Variants in USP20 observed in about 807,000 individuals in gnomAD.
The protein encoded by USP20 is ubiquitin carboxyl-terminal hydrolase 20.
In USP20, 80 loss-of-function variants were observed where a neutral mutation model predicts 124.2. The ratio of observed to expected loss-of-function variants is 0.64; its 90% CI spans 0.54 to 0.78. USP20 has a LOEUF of 0.78. Among genes scored for constraint, USP20 ranks in the 30% least tolerant of loss-of-function variants. The pLI is 0.00. For synonymous variants in USP20, 481 were observed against 512.3 expected (o/e 0.94, Z 0.83); for missense variants, 1,043 against 1,244.4 (o/e 0.84, Z 2.44).
chr9:129,867,216 C>T (rs562171896), intron 10 of USP20, among the ~76,000 whole-genome samples: 21 of 152,306 alleles, frequency 1.4e-4, no homozygotes, highest in African/African-American at 4.6e-4. Flanking sequence ...GCCACCACCA[C>T]GTTCTGACCT....
chr9:129,838,042 ATTTT>A (rs35724053), intron 1 of USP20, among the ~76,000 whole-genome samples: 1 of 142,520 alleles, frequency 7.0e-6, no homozygotes, highest in African/African-American at 2.6e-5. Flanking sequence ...GTTGACAACA[ATTTT>A]TTTTTTTTTT....
chr9:129,854,236 ATTCTGC>A (rs1332494294), intron 3 of USP20, among the ~76,000 whole-genome samples: 1 of 152,254 alleles, frequency 6.6e-6, no homozygotes, highest in Non-Finnish European at 1.5e-5. Context: ...TAGGGAAACA[ATTCTGC>A]TTCTGGGAAT....
At chr9:129,846,233 A>G (rs1353943179) in intron 1 of USP20, among the ~76,000 whole-genome samples, 8 of 24,226 alleles carry the variant, frequency 3.3e-4, no homozygotes, top group Admixed American at 1.7e-3. Flanking sequence ...CCAGCCATAT[A>G]TATATATATA....
Position 129,869,358 on chromosome 9 carries a change from G to T in USP20, c.1325G>T (p.Arg442Leu). Residue 442 changes from arginine to leucine, a missense_variant, in exon 13 of 26, where the codon CGC (arginine) becomes CTC (leucine). Coordinates refer to ENST00000372429, the MANE Select transcript of USP20 (RefSeq NM_001110303.4). The stretch of plus-strand genomic sequence containing the variant: ...CGGAGGCGGAAGGAGCAGCGCTACC[G>T]CAGCGTCATCTCAGACATCTTTGAC... ...GSRRRKEQRY[R>L]SVISDIFDGS... is the part of the protein sequence containing the mutation. 1 of 1,613,738 alleles carries T rather than the reference G, an allele frequency of 6.2e-7. No homozygotes were observed. The highest frequency in any genetic ancestry group is 1.1e-5 in the South Asian group (1 of 91,088).
intron 19 of USP20, 94 bp downstream of exon 19, chr9:129,875,049 G>T: frequency 4.0e-6 from 6 of 1,502,688 alleles, no homozygotes; most frequent in Non-Finnish European, 5.3e-6. Flanking sequence ...ACAGCGCCTG[G>T]ATTAAGCCAG....
intron 3 of USP20, among the ~76,000 whole-genome samples, 155 bp downstream of exon 3, chr9:129,852,791 C>T (rs1039820566): frequency 1.2e-4 from 18 of 152,104 alleles, no homozygotes; most frequent in South Asian, 6.2e-4. Context: ...CTTGGGAGGC[C>T]GCCTTCCGGA....
Position 129,874,617 on chromosome 9 carries a change from G to A in USP20, c.1782G>A (p.Met594Ile), listed in dbSNP as rs1011108129. The change falls in exon 18 of 26, where the codon ATG becomes ATA. Residue 594 changes from methionine (M) to isoleucine (I), a missense_variant. By Grantham distance (10) the Met-to-Ile change is conservative. Coordinates refer to ENST00000372429, the MANE Select transcript of USP20 (RefSeq NM_001110303.4). Reference sequence around the variant, plus strand: ...TAAAGCGCTTTCGGCACGAGGTGATGTACTCATTCAAGATCAACAGCCACG... The same window carrying A: ...TAAAGCGCTTTCGGCACGAGGTGATATACTCATTCAAGATCAACAGCCACG... ...IHLKRFRHEVMYSFKINSHVS... is the reference protein window; with the variant it reads ...IHLKRFRHEVIYSFKINSHVS... The A allele has an allele frequency of 1.2e-6, 2 of 1,613,704 alleles. No individual in the cohort carries two copies. The highest frequency in any genetic ancestry group is 1.7e-6 in the Non-Finnish European group (2 of 1,180,018).
In USP20 at chr9:129,873,795, C is replaced by T. The variant is rs764352375; in HGVS notation, c.1740+51C>T. 2.5e-6 allele frequency: 4 copies of T among 1,594,250 alleles called. No homozygotes were observed. The African/African-American group carries it at 4.0e-5, about 16-fold the overall frequency. ...CTCCTCAGCTATCTCGGGATGCACACCAGCACACACCAGGCAGGGGCTGAG... is the reference window on the plus strand; with the variant it reads ...CTCCTCAGCTATCTCGGGATGCACATCAGCACACACCAGGCAGGGGCTGAG... On this transcript the variant is annotated intron_variant, in intron 17 of 25. Transcript: ENST00000372429.
chr9:129,872,317 T>C (rs2034167329), intron 15 of USP20, among the ~76,000 whole-genome samples: 1 of 151,950 alleles, frequency 6.6e-6, no homozygotes, highest in Non-Finnish European at 1.5e-5. Flanking sequence ...CACACCTGGC[T>C]AATTTTTGTA....
chr9:129,857,400 C>T (rs1244141314), intron 4 of USP20, among the ~76,000 whole-genome samples: 4 of 152,214 alleles, frequency 2.6e-5, no homozygotes, highest in Admixed American at 2.6e-4. Flanking sequence ...CCCTGCTGAT[C>T]ACAGGTGGCA....
intron 2 of USP20, among the ~76,000 whole-genome samples, chr9:129,851,685 G>A (rs958305470): frequency 1.3e-5 from 2 of 152,190 alleles, no homozygotes; most frequent in East Asian, 1.9e-4. Flanking sequence ...GGAAAGAAAC[G>A]CAGGAGAATG....
At chr9:129,872,868 T>G (rs183171497) in intron 15 of USP20, among the ~76,000 whole-genome samples, 2 of 152,126 alleles carry the variant, frequency 1.3e-5, no homozygotes, top group East Asian at 3.9e-4. Context: ...TTCAAATACA[T>G]TTTCTGTAAT....
intron 8 of USP20, 135 bp from the exon 9 acceptor site, chr9:129,863,051 C>T: frequency 1.9e-6 from 1 of 521,012 alleles, no homozygotes; most frequent in Non-Finnish European, 3.3e-6. Context: ...CTTCTAGTCA[C>T]CTTCAGGAGT....
chr9:129,859,527 G>T (rs995185976), intron 6 of USP20, among the ~76,000 whole-genome samples: 9 of 151,720 alleles, frequency 5.9e-5, no homozygotes, highest in Admixed American at 3.3e-4. Context: ...GCCTGCCTTG[G>T]CCTCCCAAAG....
rs369777624 is a variant in USP20 at position 129,868,911 on chromosome 9, C to A, written c.1185C>A (p.Pro395=). 3.7e-6 allele frequency: 6 copies of A among 1,611,222 alleles called. No homozygotes were observed. Among genetic ancestry groups the A allele is most frequent in the African/African-American group, 1.3e-5 (1 of 74,872 alleles). Residue 395 remains proline, a synonymous_variant, in exon 12 of 26, where the codon CCC becomes CCA. Transcript: ENST00000372429. ...HLRSSSRPCS[P]VHHHEGHAKL... ...GCAGCTCCTCTCGCCCCTGCAGCCC[C>A]GTCCACCACCACGAGGGCCATGCCA...
At chr9:129,840,973 G>A (rs571066948) in intron 1 of USP20, among the ~76,000 whole-genome samples, 4 of 152,150 alleles carry the variant, frequency 2.6e-5, no homozygotes, top group East Asian at 1.9e-4. Context: ...GTTTCACCAC[G>A]TTGGCCAGGT....
chr9:129,876,198 T>C lies in USP20; in HGVS notation c.2369T>C (p.Leu790Pro). Reference protein sequence around the residue: ...CSICQVEIEALAKRRRIEIDT... With the variant: ...CSICQVEIEAPAKRRRIEIDT... ...ATCTGCCAGGTGGAGATCGAGGCACTGGCCAAGCGCAGGAGGATCGAGATC... is the reference window on the plus strand; with the variant it reads ...ATCTGCCAGGTGGAGATCGAGGCACCGGCCAAGCGCAGGAGGATCGAGATC... The change falls in exon 22 of 26, where the codon CTG becomes CCG. Residue 790 changes from leucine to proline, a missense_variant. Coordinates refer to ENST00000372429, the MANE Select transcript of USP20 (RefSeq NM_001110303.4). 1 of 1,613,212 alleles carries C rather than the reference T, an allele frequency of 6.2e-7. No individual in the cohort carries two copies. The highest frequency in any genetic ancestry group is 8.5e-7 in the Non-Finnish European group (1 of 1,179,944).
At chr9:129,848,909 A>G (rs1006924526) in intron 1 of USP20, among the ~76,000 whole-genome samples, 1 of 152,222 alleles carries the variant, frequency 6.6e-6, no homozygotes, top group Non-Finnish European at 1.5e-5. Flanking sequence ...TTTAAATGGT[A>G]GCTTCTAACT....
At chr9:129,852,727 G>C in intron 3 of USP20, 91 bp downstream of exon 3, 10 of 1,293,500 alleles carry the variant, frequency 7.7e-6, no homozygotes, top group Non-Finnish European at 1.1e-5. Flanking sequence ...GGAAAAACTG[G>C]TTCCCTGACA....
Sources: allele counts gnomAD v4.1 joint callset (sites outside exome capture counted in the v4.1 genomes callset), GRCh38; gene constraint gnomAD v4.1.1; transcripts MANE v1.5; gene names NCBI Gene and HGNC (gene_info 2026-07-23, HGNC 2026-07-21).